TBC1D20: variants seen among roughly 807,000 people sequenced by gnomAD.
TBC1D20 encodes chromosome 20 open reading frame 140.
In TBC1D20, 12 loss-of-function variants were observed where a neutral mutation model predicts 41.6. The observed-to-expected ratio is 0.29, with a 90% CI of 0.18 to 0.47. The LOEUF (loss-of-function observed/expected upper bound fraction) is 0.47, where lower values mean the gene tolerates loss of function less well. Among genes scored for constraint, TBC1D20 ranks in the 20% least tolerant of loss-of-function variants. The probability of loss-of-function intolerance (pLI) is 1.00; values close to 1 mark genes in which losing one functional copy is unlikely to be tolerated. For synonymous variants in TBC1D20, 205 were observed against 204.8 expected, an observed-to-expected ratio of 1.00 and a Z score of -0.01; for missense variants, 421 against 517.4, an observed-to-expected ratio of 0.81 and a Z score of 1.81.
intron 2 of TBC1D20, among the ~76,000 whole-genome samples, chr20:445,335 A>C (rs554575740): frequency 2.0e-5 from 3 of 152,308 alleles, no homozygotes; most frequent in East Asian, 3.9e-4. Context: ...TGACCCTAAG[A>C]GAAGGGAGCA....
At chr20:447,068 C>G (rs796172966) in intron 2 of TBC1D20, among the ~76,000 whole-genome samples, 4 of 151,086 alleles carry the variant, frequency 2.6e-5, no homozygotes, top group African/African-American at 7.3e-5. Context: ...TCTGCTGCAG[C>G]CTCCTGCGTA....
chr20:457,162 C>A (rs1320459105), intron 1 of TBC1D20, among the ~76,000 whole-genome samples: 1 of 152,000 alleles, frequency 6.6e-6, no homozygotes, highest in Non-Finnish European at 1.5e-5. Flanking sequence ...TCTCGAACTC[C>A]CCACCTCAGG....
chr20:446,909 GGT>G (rs1366163359), intron 2 of TBC1D20, among the ~76,000 whole-genome samples: 1 of 151,008 alleles, frequency 6.6e-6, no homozygotes, highest in African/African-American at 2.4e-5. Context: ...TGGAATTACA[GGT>G]GTGAGTCACC....
intron 2 of TBC1D20, among the ~76,000 whole-genome samples, chr20:447,275 T>TA (rs577791522): frequency 1.3e-5 from 2 of 151,938 alleles, no homozygotes; most frequent in African/African-American, 4.8e-5. Flanking sequence ...TATGCATTTT[T>TA]AAAAAACACT....
At chr20:455,636 A>T (rs140129361) in intron 1 of TBC1D20, among the ~76,000 whole-genome samples, 128 of 151,244 alleles carry the variant, frequency 8.5e-4, no homozygotes, top group Middle Eastern at 3.4e-3. Flanking sequence ...AATAAATAAA[A>T]AATAAAATAA....
intron 2 of TBC1D20, among the ~76,000 whole-genome samples, chr20:446,203 T>G: frequency 6.6e-6 from 1 of 152,270 alleles, no homozygotes. Flanking sequence ...TTCACTGTTC[T>G]ACAGGACTTT....
At chr20:453,539 C>CT (rs1198052752) in intron 1 of TBC1D20, among the ~76,000 whole-genome samples, 35,434 of 107,202 alleles carry the variant, frequency 0.33, 7,701 homozygotes, top group South Asian at 0.36. Flanking sequence ...TGTAATCCAG[C>CT]ATTTTTTTTT....
intron 1 of TBC1D20, among the ~76,000 whole-genome samples, chr20:459,459 T>C (rs1362435785): frequency 6.6e-6 from 1 of 152,190 alleles, no homozygotes; most frequent in Non-Finnish European, 1.5e-5. Flanking sequence ...AGCTGATACC[T>C]TCCAAATTCC....
In TBC1D20 at chr20:441,838, T is replaced by G. The variant is rs1397601777; in HGVS notation, c.524+19A>C. On this transcript the variant is annotated intron_variant, in intron 4 of 7. Transcript: ENST00000354200. The stretch of plus-strand genomic sequence containing the variant: ...CTGAGGAGTGATGCCCGTCGTCTTG[T>G]GTTCCTCTCTACTGGTACCTGAGGT... 1 of 1,609,678 alleles carries G rather than the reference T, an allele frequency of 6.2e-7. No homozygotes were observed. The highest frequency in any genetic ancestry group is 1.3e-5 in the African/African-American group (1 of 74,958).
In TBC1D20 at chr20:439,114, G is replaced by A. The variant is rs1437796262; in HGVS notation, c.950C>T (p.Ala317Val). 4 of 1,611,386 alleles carry A rather than the reference G, an allele frequency of 2.5e-6. No homozygotes were observed. The highest frequency in any genetic ancestry group is 3.4e-6 in the Non-Finnish European group (4 of 1,178,552). Residue 317 changes from alanine (A) to valine (V), a missense_variant, in exon 7 of 8, where the codon GCT becomes GTT. By Grantham distance (64) the Ala-to-Val change is moderately conservative. Transcript: ENST00000354200. The surrounding 1 kb of genome is among the most constrained non-coding windows in gnomAD (Gnocchi z 4.6). ...LAREAAAQQQ[A>V]ERTAASTFKD... ...GTGTCCCAGCCTTGCTCACCTCTCA[G>A]CTTGCTGTTGGGCAGCGGCCTCCCG...
chr20:443,741 T>C (rs2017280191), intron 3 of TBC1D20, among the ~76,000 whole-genome samples: 2 of 152,066 alleles, frequency 1.3e-5, no homozygotes, highest in Admixed American at 1.3e-4. Flanking sequence ...GGAAAAAGAA[T>C]ATGAAGCCAC....
intron 3 of TBC1D20, 73 bp downstream of exon 3, chr20:444,977 T>C (rs2122394225): frequency 1.4e-6 from 2 of 1,382,716 alleles, no homozygotes; most frequent in Admixed American, 3.9e-5. Context: ...GGGTCCAGCA[T>C]ATTAGGTCAC....
At position 439,016 on chromosome 20, in the gene TBC1D20, T is replaced by C; in HGVS notation, c.956+92A>G. On this transcript the variant is annotated intron_variant, in intron 7 of 7. Transcript: ENST00000354200. This position sits in a 1 kb window ranked among gnomAD's most constrained non-coding sequence, Gnocchi z 4.6. ...GCCTAAGCTCAGATCTCTGGAAACA[T>C]GCCCCAACCCTATCCCACCAGACAC... is the stretch of plus-strand genomic sequence containing the variant. 6.7e-7 allele frequency: 1 copy of C among 1,500,646 alleles called. No homozygotes were observed. Among genetic ancestry groups the C allele is most frequent in the Non-Finnish European group, 9.0e-7 (1 of 1,112,030 alleles). 93.0% of individuals were successfully genotyped at this position (1,500,646 alleles called of 1,614,324 possible).
intron 5 of TBC1D20, chr20:440,723 C>T (rs1236527969): frequency 4.7e-6 from 1 of 212,708 alleles, no homozygotes; most frequent in African/African-American, 2.3e-5. Flanking sequence ...TTCTGGGGGG[C>T]ACAGGTACAT....
chr20:455,532 C>T (rs1486732934), intron 1 of TBC1D20, among the ~76,000 whole-genome samples: 1 of 152,020 alleles, frequency 6.6e-6, no homozygotes, highest in Non-Finnish European at 1.5e-5. Flanking sequence ...GCAGGAGAAT[C>T]GCTTGAACCC....
At chr20:462,280 C>T (rs1422619380) in intron 1 of TBC1D20, 56 bp downstream of exon 1, 1 of 1,198,720 alleles carries the variant, frequency 8.3e-7, no homozygotes, top group Non-Finnish European at 1.0e-6. Flanking sequence ...CCAGCTGCCC[C>T]TGCCCCCCGG....
Position 438,642 on chromosome 20 carries a change from C to T in TBC1D20, c.1156G>A (p.Val386Met), listed in dbSNP as rs757439625. The T allele has an allele frequency of 3.1e-6, 5 of 1,614,238 alleles. No homozygotes were observed. The Admixed American group carries it at 6.7e-5, about 22-fold the overall frequency. The stretch of plus-strand genomic sequence containing the variant: ...GCCCATTCCAGGGCACTTTTCACCA[C>T]AGCCAGTGCAGCCGCTCCAAGTGCC... The part of the protein sequence containing the change: ...TVALGAAALA[V>M]VKSALEWAPK... Residue 386 changes from valine (V) to methionine (M), a missense_variant, in exon 8 of 8, where the codon GTG (valine) becomes ATG (methionine). Transcript: ENST00000354200.
chr20:438,094 C>G lies in TBC1D20; in HGVS notation c.*492G>C. On this transcript the variant is annotated 3_prime_UTR_variant, in exon 8 of 8. Coordinates refer to ENST00000354200, the MANE Select transcript of TBC1D20 (RefSeq NM_144628.4). Reference sequence around the variant, plus strand: ...CTAGTAAGAGGGGCCGATCATGCTCCCAGACGAGTCCTTTGGCCTCTTGCT... The same window carrying G: ...CTAGTAAGAGGGGCCGATCATGCTCGCAGACGAGTCCTTTGGCCTCTTGCT... 1 of 156,998 alleles carries G rather than the reference C, an allele frequency of 6.4e-6. No homozygotes were observed. The highest frequency in any genetic ancestry group is 1.9e-4 in the South Asian group (1 of 5,362). 9.7% of individuals were successfully genotyped at this position (156,998 alleles called of 1,614,324 possible).
chr20:447,091 G>A (rs2017347715), intron 2 of TBC1D20, among the ~76,000 whole-genome samples: 2 of 150,522 alleles, frequency 1.3e-5, no homozygotes, highest in Non-Finnish European at 3.0e-5. Context: ...TGGGATTACA[G>A]GCACCTGCCA....
Sources: allele counts gnomAD v4.1 joint callset (sites outside exome capture counted in the v4.1 genomes callset), GRCh38; gene constraint gnomAD v4.1.1; non-coding constraint Gnocchi (gnomAD v3.1); transcripts MANE v1.5; gene names NCBI Gene and HGNC (gene_info 2026-07-23, HGNC 2026-07-21).